NCAM1: variants seen among roughly 807,000 people sequenced by gnomAD.
NCAM1 encodes the protein neural cell adhesion molecule 1.
A neutral mutation model predicts 109.8 loss-of-function variants in NCAM1; 14 were observed. The ratio of observed to expected loss-of-function variants is 0.13; its 90% CI spans 0.08 to 0.20. The LOEUF (loss-of-function observed/expected upper bound fraction) is 0.20. Ranked by LOEUF, NCAM1 falls within the 10% of genes least tolerant of loss-of-function variation. The pLI, the probability that NCAM1 is intolerant of heterozygous loss-of-function variation, is 1.00. For missense variants in NCAM1, 774 were observed against 1,109.9 expected, an observed-to-expected ratio of 0.70 and a Z score of 4.30; for synonymous variants, 418 against 442.9, an observed-to-expected ratio of 0.94 and a Z score of 0.70.
At chr11:113,168,256 C>G (rs996028946) in intron 1 of NCAM1, among the ~76,000 whole-genome samples, 1 of 151,970 alleles carries the variant, frequency 6.6e-6, no homozygotes, top group Non-Finnish European at 1.5e-5. Context: ...TGGTCTCGGT[C>G]CTATTTGTAT....
At chr11:113,057,910 G>T (rs1953770624) in intron 1 of NCAM1, among the ~76,000 whole-genome samples, 1 of 152,296 alleles carries the variant, frequency 6.6e-6, no homozygotes. Flanking sequence ...CAGTACAGAA[G>T]CTATGGAAGG....
chr11:113,239,338 G>C (rs146936736), intron 14 of NCAM1, among the ~76,000 whole-genome samples: 5 of 152,146 alleles, frequency 3.3e-5, no homozygotes, highest in Non-Finnish European at 7.3e-5. Flanking sequence ...CGGGCTGCTT[G>C]TGTCAGACTC....
Position 113,229,292 on chromosome 11 carries a change from CAAAA to C in NCAM1, c.1090-2352_1090-2349del, listed in dbSNP as rs558222460. Among the ~76,000 whole-genome samples, 653 of 152,282 alleles carry C rather than the reference CAAAA, an allele frequency of 4.3e-3. 3 individuals carry two copies. Among genetic ancestry groups the C allele is most frequent in the Middle Eastern group, 0.01 (3 of 294 alleles). The stretch of plus-strand genomic sequence containing the variant: ...GGCAAAGGATATGAACGACACTTCT[CAAAA>C]GAAGATATTTATGCAGCCAAAAGAC... On this transcript the variant is annotated intron_variant, in intron 9 of 19. Transcript: ENST00000316851.
At chr11:113,263,190 T>A in intron 17 of NCAM1, 1 of 1,134,498 alleles carries the variant, frequency 8.8e-7, no homozygotes, top group Non-Finnish European at 1.1e-6. Flanking sequence ...TTAAATGCTA[T>A]TTTTAAAAAC....
chr11:113,147,279 C>T (rs782421045), intron 1 of NCAM1, among the ~76,000 whole-genome samples: 3 of 152,320 alleles, frequency 2.0e-5, no homozygotes, highest in Admixed American at 6.5e-5. Context: ...TTAAACTGCG[C>T]GATAGATTTT....
intron 1 of NCAM1, among the ~76,000 whole-genome samples, chr11:113,142,923 T>C (rs868990801): frequency 2.0e-5 from 3 of 152,190 alleles, no homozygotes; most frequent in Non-Finnish European, 4.4e-5. Context: ...ACCAGGTAGA[T>C]TCAAATTAAT....
chr11:113,068,436 G>A lies in NCAM1; in HGVS notation c.52+106772G>A, dbSNP rs145258308. 9.9e-4 allele frequency among the ~76,000 whole-genome samples: 151 copies of A among 152,284 alleles called. 1 individual carries two copies. Among genetic ancestry groups the A allele is most frequent in the Middle Eastern group, 3.4e-3 (1 of 294 alleles). ...GAAATAATTTTGTATAAAACACTTG[G>A]CACAGTGCATGGCACCTGGGATGTC... On this transcript the variant is annotated intron_variant, in intron 1 of 19. Transcript: ENST00000316851.
At position 113,260,155 on chromosome 11, in the gene NCAM1, G is replaced by C; in HGVS notation, c.1963G>C (p.Glu655Gln). Residue 655 changes from glutamate to glutamine, a missense_variant, in exon 17 of 20, where the codon GAG becomes CAG. Physicochemically the swap from Glu to Gln is conservative, Grantham distance 29. This residue lies in a region of NCAM1 where 523 missense variants were observed against 784.2 expected (regional missense o/e 0.67). Coordinates refer to ENST00000316851, the MANE Select transcript of NCAM1 (RefSeq NM_181351.5). ...YLVRYRALSS[E>Q]WKPEIRLPSG... Reference sequence around the variant, plus strand: ...CGGTTTCTCCCAGAAGCTCTCCTCCGAGTGGAAACCAGAGATCAGGCTCCC... The same window carrying C: ...CGGTTTCTCCCAGAAGCTCTCCTCCCAGTGGAAACCAGAGATCAGGCTCCC... The C allele has an allele frequency of 1.2e-6, 2 of 1,610,700 alleles. No homozygotes were observed. Among genetic ancestry groups the C allele is most frequent in the South Asian group, 1.1e-5 (1 of 90,284 alleles).
chr11:113,260,814 C>A (rs1945969431), intron 17 of NCAM1, among the ~76,000 whole-genome samples: 1 of 152,178 alleles, frequency 6.6e-6, no homozygotes, highest in Non-Finnish European at 1.5e-5. Context: ...CATTTACTTA[C>A]AAACCCTATC....
At position 113,194,618 on chromosome 11, in the gene NCAM1, C is replaced by T. The variant is rs190324532; in HGVS notation, c.53-7761C>T. 8.1e-4 allele frequency among the ~76,000 whole-genome samples: 123 copies of T among 152,264 alleles called. 1 individual carries two copies. The Middle Eastern group carries it at 0.01, about 13-fold the overall frequency. On this transcript the variant is annotated intron_variant, in intron 1 of 19. Coordinates refer to ENST00000316851, the MANE Select transcript of NCAM1 (RefSeq NM_181351.5). Reference sequence around the variant, plus strand: ...GGCTTGTCTTTATACCAGGAAGCTCCGTTTTCTTTATCCTGTGGCATAAAA... The same window carrying T: ...GGCTTGTCTTTATACCAGGAAGCTCTGTTTTCTTTATCCTGTGGCATAAAA...
chr11:113,268,431 C>T (rs1432694309), intron 17 of NCAM1, among the ~76,000 whole-genome samples: 1 of 152,126 alleles, frequency 6.6e-6, no homozygotes, highest in East Asian at 1.9e-4. Context: ...TCAGCAGGGA[C>T]CAGCCAGAGA....
At chr11:113,098,160 A>G (rs1555090788) in intron 1 of NCAM1, among the ~76,000 whole-genome samples, 1 of 152,170 alleles carries the variant, frequency 6.6e-6, no homozygotes, top group African/African-American at 2.4e-5. Flanking sequence ...GCAATAAATG[A>G]CACAGGTACT....
intron 1 of NCAM1, among the ~76,000 whole-genome samples, chr11:113,008,701 T>A (rs1951953420): frequency 6.6e-6 from 1 of 152,212 alleles, no homozygotes; most frequent in Admixed American, 6.5e-5. Context: ...TGGAGGTTAC[T>A]CATCTCTCGA....
intron 1 of NCAM1, among the ~76,000 whole-genome samples, chr11:113,015,478 G>C (rs1952184795): frequency 6.6e-6 from 1 of 152,200 alleles, no homozygotes; most frequent in African/African-American, 2.4e-5. Context: ...GCTTATGCCT[G>C]TAATCCCAGC....
chr11:113,100,348 T>C (rs147209598), intron 1 of NCAM1, among the ~76,000 whole-genome samples: 1 of 152,176 alleles, frequency 6.6e-6, no homozygotes, highest in African/African-American at 2.4e-5. Context: ...GTTATTACAA[T>C]TAATGCTCTT....
intron 1 of NCAM1, among the ~76,000 whole-genome samples, chr11:113,044,952 C>T (rs1953213725): frequency 6.6e-6 from 1 of 151,850 alleles, no homozygotes; most frequent in African/African-American, 2.4e-5. Flanking sequence ...GACGGGGTTT[C>T]ACCGTGTTAG....
intron 1 of NCAM1, among the ~76,000 whole-genome samples, chr11:113,082,508 A>G (rs559333073): frequency 1.8e-4 from 27 of 152,380 alleles, no homozygotes; most frequent in African/African-American, 5.8e-4. Flanking sequence ...GTTGCTAACT[A>G]TAATCTGATA....
At chr11:113,104,100 G>A (rs1420642052) in intron 1 of NCAM1, among the ~76,000 whole-genome samples, 1 of 151,124 alleles carries the variant, frequency 6.6e-6, no homozygotes, top group African/African-American at 2.4e-5. Flanking sequence ...ACTTATCCCA[G>A]TACTGCCTCC....
chr11:112,982,777 T>C (rs1366554359), intron 1 of NCAM1, among the ~76,000 whole-genome samples: 2 of 151,788 alleles, frequency 1.3e-5, no homozygotes, highest in Non-Finnish European at 2.9e-5. Flanking sequence ...ATAGGGACTT[T>C]TAATTTTTTA....
Sources: gnomAD v4.1 joint callset for allele counts (sites outside exome capture counted in the v4.1 genomes callset) on GRCh38, gnomAD v4.1.1 for gene constraint, gnomAD v4.1.1 regional missense constraint, MANE v1.5 for transcripts, NCBI Gene and HGNC (gene_info 2026-07-23, HGNC 2026-07-21) for gene names.